The following CPED1 variants were observed in gnomAD, a reference collection of about 807,000 sequenced individuals.
CPED1 encodes cadherin-like and PC-esterase domain-containing protein 1.
CPED1 carries 114 observed loss-of-function variants against 128.2 expected under a neutral mutation model. The ratio of observed to expected loss-of-function variants is 0.89; its 90% confidence interval spans 0.76 to 1.04. CPED1 has a LOEUF of 1.04. Among genes scored for constraint, CPED1 ranks in the 50% least tolerant of loss-of-function variants. The pLI is 0.00. For missense variants in CPED1, 1,211 were observed against 1,207.1 expected, an observed-to-expected ratio of 1.00 and a Z score of -0.05; for synonymous variants, 462 against 426.7, an observed-to-expected ratio of 1.08 and a Z score of -1.02.
At position 121,210,956 on chromosome 7, in the gene CPED1, A is replaced by G. The variant is rs144041885; in HGVS notation, c.2056-25758A>G. ...TATATTAGTATCCTACTATATACCC[A>G]TAAAAATAAAAAAAATTAAAACACA... On this transcript the variant is annotated intron_variant, in intron 16 of 22. Transcript: ENST00000310396. Among the ~76,000 whole-genome samples the G allele has an allele frequency of 6.7e-3, 1,020 of 152,124 alleles. 14 individuals are homozygous for G. The highest frequency in any genetic ancestry group is 0.022 in the African/African-American group (914 of 41,542).
intron 18 of CPED1, among the ~76,000 whole-genome samples, chr7:121,248,570 C>T (rs1798593049): frequency 8.0e-6 from 1 of 125,074 alleles, no homozygotes; most frequent in Admixed American, 8.4e-5. Flanking sequence ...AAAGATTTTG[C>T]TAATATAGCA....
At chr7:121,189,778 A>ATATATATATATATATT (rs2116524181) in intron 16 of CPED1, among the ~76,000 whole-genome samples, 1 of 78,218 alleles carries the variant, frequency 1.3e-5, no homozygotes, top group East Asian at 8.1e-4. Context: ...ATATATATAT[A>ATATATATATATATATT]TATATATATA....
At chr7:121,102,621 C>T (rs1034402535) in intron 7 of CPED1, among the ~76,000 whole-genome samples, 2 of 152,152 alleles carry the variant, frequency 1.3e-5, no homozygotes, top group African/African-American at 4.8e-5. Context: ...CCAGTAACTC[C>T]ATACAGTTTT....
At chr7:121,129,490 C>T (rs1395507385) in intron 11 of CPED1, among the ~76,000 whole-genome samples, 1 of 151,082 alleles carries the variant, frequency 6.6e-6, no homozygotes, top group Non-Finnish European at 1.5e-5. Flanking sequence ...TGAGTTGGCA[C>T]AATATCATTT....
At chr7:121,247,582 C>T (rs745918154) in intron 18 of CPED1, among the ~76,000 whole-genome samples, 1 of 152,122 alleles carries the variant, frequency 6.6e-6, no homozygotes, top group Non-Finnish European at 1.5e-5. Context: ...GGCTAGTTCC[C>T]AGCCCTGAAT....
intron 18 of CPED1, among the ~76,000 whole-genome samples, chr7:121,259,077 A>G (rs529029118): frequency 6.6e-6 from 1 of 152,112 alleles, no homozygotes; most frequent in South Asian, 2.1e-4. Flanking sequence ...TCTCAGCTGA[A>G]TTTCCTTATG....
intron 3 of CPED1, among the ~76,000 whole-genome samples, chr7:121,016,913 C>G (rs1792317915): frequency 6.6e-6 from 1 of 152,192 alleles, no homozygotes; most frequent in African/African-American, 2.4e-5. Flanking sequence ...CCTGGTATTA[C>G]AGTAGCTTTC....
intron 7 of CPED1, among the ~76,000 whole-genome samples, chr7:121,101,887 C>T (rs895758475): frequency 6.6e-6 from 1 of 152,104 alleles, no homozygotes; most frequent in African/African-American, 2.4e-5. Flanking sequence ...AACCCAAATA[C>T]CTCCCAGCAG....
chr7:121,230,603 C>G (rs915461079), intron 16 of CPED1, among the ~76,000 whole-genome samples: 5 of 152,030 alleles, frequency 3.3e-5, no homozygotes, highest in African/African-American at 9.7e-5. Context: ...GCACTAAAGT[C>G]TCCACAAAGT....
chr7:121,127,307 G>T (rs1333671010), intron 10 of CPED1, 50 bp downstream of exon 10: 1 of 1,187,752 alleles, frequency 8.4e-7, no homozygotes, highest in African/African-American at 1.6e-5. Context: ...TCATTCCTTA[G>T]AAGGTGTCAT....
At chr7:121,145,816 A>G (rs1796012049) in intron 16 of CPED1, among the ~76,000 whole-genome samples, 2 of 151,716 alleles carry the variant, frequency 1.3e-5, no homozygotes, top group Non-Finnish European at 2.9e-5. Context: ...CAACAACCAC[A>G]GTGTCCTCAC....
intron 2 of CPED1, among the ~76,000 whole-genome samples, chr7:120,995,295 C>G (rs1796378625): frequency 6.6e-6 from 1 of 152,162 alleles, no homozygotes; most frequent in Non-Finnish European, 1.5e-5. Flanking sequence ...CTACATCCTT[C>G]TTCTCTGAGG....
intron 4 of CPED1, among the ~76,000 whole-genome samples, chr7:121,049,599 T>TTC (rs1563005911): frequency 1.3e-5 from 2 of 152,220 alleles, no homozygotes; most frequent in Non-Finnish European, 2.9e-5. Flanking sequence ...TTTAGCACAA[T>TTC]AAGCTATTCA....
At chr7:121,153,909 A>G (rs1196044736) in intron 16 of CPED1, among the ~76,000 whole-genome samples, 3 of 152,238 alleles carry the variant, frequency 2.0e-5, no homozygotes, top group Non-Finnish European at 4.4e-5. Context: ...TATGTCATTA[A>G]TGCATAAAAC....
chr7:121,233,505 T>C (rs1272599232), intron 16 of CPED1, among the ~76,000 whole-genome samples: 1 of 151,964 alleles, frequency 6.6e-6, no homozygotes, highest in Non-Finnish European at 1.5e-5. Context: ...GCCATGATGG[T>C]ACCAGTGTAC....
At chr7:121,032,767 C>T (rs1447015168) in intron 3 of CPED1, among the ~76,000 whole-genome samples, 4 of 151,996 alleles carry the variant, frequency 2.6e-5, no homozygotes, top group Non-Finnish European at 4.4e-5. Context: ...AGGAATGATG[C>T]AGTTTAATAG....
At chr7:121,028,268 G>A (rs1339550874) in intron 3 of CPED1, among the ~76,000 whole-genome samples, 1 of 152,168 alleles carries the variant, frequency 6.6e-6, no homozygotes, top group Non-Finnish European at 1.5e-5. Context: ...GGGACCACGT[G>A]TTGAGAATGA....
At chr7:121,122,019 T>C (rs973040267) in intron 7 of CPED1, among the ~76,000 whole-genome samples, 6 of 152,220 alleles carry the variant, frequency 3.9e-5, no homozygotes, top group African/African-American at 1.2e-4. Context: ...ACTTTGAAAG[T>C]TTATGATTTT....
chr7:121,166,948 C>A lies in CPED1; in HGVS notation c.2055+24807C>A, dbSNP rs567360425. On this transcript the variant is annotated intron_variant, in intron 16 of 22. Coordinates refer to ENST00000310396, the MANE Select transcript of CPED1 (RefSeq NM_024913.5). ...AGTGCGTCTGGTGTTTGAGCTGTGG[C>A]CACATTTGACTTTCATGTCCTTTTG... 2.6e-5 allele frequency among the ~76,000 whole-genome samples: 4 copies of A among 152,166 alleles called. No homozygotes were observed. In the East Asian group the frequency reaches 7.7e-4, roughly 29 times the overall value.
Sources: gnomAD v4.1 joint callset for allele counts (sites outside exome capture counted in the v4.1 genomes callset) on GRCh38, gnomAD v4.1.1 for gene constraint, MANE v1.5 for transcripts, NCBI Gene and HGNC (gene_info 2026-07-23, HGNC 2026-07-21) for gene names.